GRK5: variants seen among roughly 807,000 people sequenced by gnomAD.
The protein encoded by GRK5 is G protein-coupled receptor kinase 5, also known as g protein-coupled receptor kinase GRK5.
In GRK5, 40 loss-of-function variants were observed where a neutral mutation model predicts 78.4. The ratio of observed to expected loss-of-function variants is 0.51; its 90% CI spans 0.40 to 0.66. The LOEUF is 0.66. GRK5 is among the 30% of genes least tolerant of loss of function. The pLI, the probability that GRK5 is intolerant of heterozygous loss-of-function variation, is 0.00. For synonymous variants in GRK5, 289 were observed against 296.8 expected, an observed-to-expected ratio of 0.97 and a Z score of 0.27; for missense variants, 598 against 759.9, an observed-to-expected ratio of 0.79 and a Z score of 2.50.
At chr10:119,213,481 G>A (rs1052117649) in intron 1 of GRK5, among the ~76,000 whole-genome samples, 1 of 151,996 alleles carries the variant, frequency 6.6e-6, no homozygotes, top group African/African-American at 2.4e-5. Flanking sequence ...ACCGTACTCC[G>A]GACTGGGTGA....
At chr10:119,224,431 C>T (rs1031036062) in intron 1 of GRK5, among the ~76,000 whole-genome samples, 24 of 150,084 alleles carry the variant, frequency 1.6e-4, no homozygotes, top group African/African-American at 4.9e-4. Flanking sequence ...TTTATTGAGA[C>T]GGAGTGTTGC....
intron 1 of GRK5, among the ~76,000 whole-genome samples, chr10:119,295,557 G>A (rs770590501): frequency 6.6e-6 from 1 of 152,070 alleles, no homozygotes; most frequent in Non-Finnish European, 1.5e-5. Context: ...CATCCCAAAT[G>A]CCTGTCAATC....
At chr10:119,296,763 A>G (rs546123911) in intron 1 of GRK5, among the ~76,000 whole-genome samples, 3 of 152,164 alleles carry the variant, frequency 2.0e-5, no homozygotes, top group Non-Finnish European at 2.9e-5. Context: ...GGGGGGTTGT[A>G]TATATAATCT....
chr10:119,397,288 G>A (rs904214938), intron 4 of GRK5, among the ~76,000 whole-genome samples: 1 of 152,198 alleles, frequency 6.6e-6, no homozygotes, highest in African/African-American at 2.4e-5. Flanking sequence ...GCCACCCACT[G>A]GATAGTTGAA....
chr10:119,343,186 A>C (rs1049047014), intron 2 of GRK5, among the ~76,000 whole-genome samples: 1 of 152,180 alleles, frequency 6.6e-6, no homozygotes, highest in African/African-American at 2.4e-5. Context: ...GTCCATCTTC[A>C]GTACTAAGAG....
chr10:119,362,897 C>T (rs925205788), intron 2 of GRK5, among the ~76,000 whole-genome samples: 4 of 151,902 alleles, frequency 2.6e-5, no homozygotes, highest in South Asian at 2.1e-4. Flanking sequence ...TCCATTTAAC[C>T]CCTTATTGGC....
At chr10:119,270,569 C>T (rs1268184569) in intron 1 of GRK5, among the ~76,000 whole-genome samples, 2 of 152,224 alleles carry the variant, frequency 1.3e-5, no homozygotes, top group Non-Finnish European at 2.9e-5. Flanking sequence ...GCACCAGAAC[C>T]AATCCCCTAA....
At chr10:119,246,291 G>C (rs990136571) in intron 1 of GRK5, among the ~76,000 whole-genome samples, 4 of 152,064 alleles carry the variant, frequency 2.6e-5, no homozygotes, top group Admixed American at 2.6e-4. Flanking sequence ...TGTAAATGCT[G>C]TGTAATAGTT....
intron 1 of GRK5, among the ~76,000 whole-genome samples, chr10:119,279,528 A>G (rs1849725413): frequency 6.6e-6 from 1 of 152,102 alleles, no homozygotes; most frequent in African/African-American, 2.4e-5. Context: ...GGGGGGTGGG[A>G]GTGGATGGTT....
chr10:119,213,249 G>A (rs2133697889), intron 1 of GRK5: 1 of 152,444 alleles, frequency 6.6e-6, no homozygotes, highest in South Asian at 2.1e-4. Flanking sequence ...GGTGGCTCAT[G>A]TCTGTAATCC....
At chr10:119,411,106 C>T (rs1852329397) in intron 4 of GRK5, among the ~76,000 whole-genome samples, 1 of 151,876 alleles carries the variant, frequency 6.6e-6, no homozygotes, top group Non-Finnish European at 1.5e-5. Context: ...AGCAGTGGCC[C>T]CACCTCCACC....
At chr10:119,386,283 C>A (rs1181343173) in intron 3 of GRK5, among the ~76,000 whole-genome samples, 1 of 152,154 alleles carries the variant, frequency 6.6e-6, no homozygotes, top group South Asian at 2.1e-4. Flanking sequence ...AGCGTGAGGA[C>A]AAAAGATGCC....
chr10:119,403,749 A>T (rs1321122386), intron 4 of GRK5, among the ~76,000 whole-genome samples: 1 of 151,562 alleles, frequency 6.6e-6, no homozygotes, highest in Non-Finnish European at 1.5e-5. Context: ...TCCTCCTGCC[A>T]CCGCCTCCCA....
In GRK5 at chr10:119,231,240, A is replaced by G. The variant is rs78375393; in HGVS notation, c.52+23271A>G. On this transcript the variant is annotated intron_variant, in intron 1 of 15. Transcript: ENST00000392870. The stretch of plus-strand genomic sequence containing the variant: ...ATCTCAACAGGAAAAAAACATTCCT[A>G]TTAAAAAATGGGCAGATGATCTGGA... Among the ~76,000 whole-genome samples, 433 of 152,316 alleles carry G rather than the reference A, an allele frequency of 2.8e-3. 1 individual carries two copies. The highest frequency in any genetic ancestry group is 9.9e-3 in the African/African-American group (413 of 41,566).
intron 2 of GRK5, among the ~76,000 whole-genome samples, chr10:119,327,442 T>C (rs1299525692): frequency 1.3e-5 from 2 of 152,146 alleles, no homozygotes; most frequent in Non-Finnish European, 2.9e-5. Context: ...CGCTTATTAT[T>C]GTCAGAGGTC....
intron 2 of GRK5, among the ~76,000 whole-genome samples, chr10:119,352,608 C>T (rs1851202579): frequency 1.7e-5 from 2 of 118,254 alleles, no homozygotes; most frequent in Admixed American, 1.7e-4. Context: ...CCAATAAGCT[C>T]CTGGGTCTGT....
intron 1 of GRK5, among the ~76,000 whole-genome samples, chr10:119,269,913 A>G (rs1849559189): frequency 1.3e-5 from 2 of 149,974 alleles, no homozygotes; most frequent in African/African-American, 4.9e-5. Context: ...GGGGCCAGCC[A>G]GCTCCAAAGC....
chr10:119,362,703 G>C (rs1564905655), intron 2 of GRK5, among the ~76,000 whole-genome samples: 1 of 152,188 alleles, frequency 6.6e-6, no homozygotes, highest in Non-Finnish European at 1.5e-5. Flanking sequence ...TCTCTTTGCT[G>C]AGTGCTGGGG....
At chr10:119,411,564 A>C (rs940247656) in intron 4 of GRK5, among the ~76,000 whole-genome samples, 3 of 152,248 alleles carry the variant, frequency 2.0e-5, no homozygotes, top group Non-Finnish European at 4.4e-5. Context: ...CTTGCTGAGC[A>C]TGCTTTTTAA....
Sources: gnomAD v4.1 joint callset for allele counts (sites outside exome capture counted in the v4.1 genomes callset) on GRCh38, gnomAD v4.1.1 for gene constraint, MANE v1.5 for transcripts, NCBI Gene and HGNC (gene_info 2026-07-23, HGNC 2026-07-21) for gene names.